MLLT3: variants seen among roughly 807,000 people sequenced by gnomAD.
MLLT3 encodes the protein MLLT3 super elongation complex subunit.
A neutral mutation model predicts 53.2 loss-of-function variants in MLLT3; 4 were observed. The ratio of observed to expected loss-of-function variants is 0.08; its 90% CI spans 0.04 to 0.17. The LOEUF is 0.17. Among genes scored for constraint, MLLT3 ranks in the 10% least tolerant of loss-of-function variants. The pLI is 1.00. For missense variants in MLLT3, 569 were observed against 684.0 expected, an observed-to-expected ratio of 0.83 and a Z score of 1.87; for synonymous variants, 283 against 230.6, an observed-to-expected ratio of 1.23 and a Z score of -2.06.
At chr9:20,452,967 A>G (rs1182467360) in intron 3 of MLLT3, among the ~76,000 whole-genome samples, 6 of 152,336 alleles carry the variant, frequency 3.9e-5, no homozygotes, top group Admixed American at 3.3e-4. Context: ...ACAATAAGGT[A>G]TTGTACACTT....
At chr9:20,603,843 G>C (rs965927294) in intron 2 of MLLT3, among the ~76,000 whole-genome samples, 1 of 152,010 alleles carries the variant, frequency 6.6e-6, no homozygotes, top group Admixed American at 6.6e-5. Flanking sequence ...AAAATTTTAT[G>C]TACAGTGGCT....
At chr9:20,615,659 G>C (rs1820814420) in intron 2 of MLLT3, among the ~76,000 whole-genome samples, 1 of 151,742 alleles carries the variant, frequency 6.6e-6, no homozygotes, top group South Asian at 2.1e-4. Flanking sequence ...TGTAGAGTTA[G>C]GATCTCAGGA....
chr9:20,586,228 G>A (rs1819956531), intron 2 of MLLT3, among the ~76,000 whole-genome samples: 1 of 151,996 alleles, frequency 6.6e-6, no homozygotes, highest in Admixed American at 6.6e-5. Context: ...GCTGATGTGG[G>A]AGAACTGTTT....
intron 3 of MLLT3, among the ~76,000 whole-genome samples, chr9:20,455,358 G>C (rs1823938982): frequency 6.6e-6 from 1 of 152,230 alleles, no homozygotes; most frequent in Non-Finnish European, 1.5e-5. Flanking sequence ...ACTGCTATAA[G>C]TTAAAAAGGC....
At chr9:20,416,055 G>T (rs1276621684) in intron 4 of MLLT3, among the ~76,000 whole-genome samples, 2 of 151,396 alleles carry the variant, frequency 1.3e-5, no homozygotes, top group Non-Finnish European at 3.0e-5. Flanking sequence ...AGATTTAAAA[G>T]GAAAATTCTA....
At chr9:20,588,325 G>A (rs1820034568) in intron 2 of MLLT3, among the ~76,000 whole-genome samples, 1 of 150,224 alleles carries the variant, frequency 6.7e-6, no homozygotes, top group Non-Finnish European at 1.5e-5. Flanking sequence ...GGCGATGCGG[G>A]CTCTTTTTTG....
chr9:20,499,684 A>G (rs1172000458), intron 2 of MLLT3, among the ~76,000 whole-genome samples: 1 of 152,254 alleles, frequency 6.6e-6, no homozygotes, highest in African/African-American at 2.4e-5. Context: ...GTCTACCCTG[A>G]GCTGTCCCCT....
At chr9:20,617,310 G>C in intron 2 of MLLT3, among the ~76,000 whole-genome samples, 1 of 152,128 alleles carries the variant, frequency 6.6e-6, no homozygotes, top group East Asian at 1.9e-4. Flanking sequence ...AAACTATGCA[G>C]TAAAGCTGGC....
chr9:20,569,882 C>T (rs955201467), intron 2 of MLLT3, among the ~76,000 whole-genome samples: 7 of 152,156 alleles, frequency 4.6e-5, no homozygotes, highest in Admixed American at 3.3e-4. Context: ...CCACCTAATG[C>T]GCTGTGGTCT....
At chr9:20,386,024 C>G (rs1447316342) in intron 5 of MLLT3, among the ~76,000 whole-genome samples, 5 of 152,126 alleles carry the variant, frequency 3.3e-5, no homozygotes, top group Non-Finnish European at 7.4e-5. Flanking sequence ...TGAGACAGCC[C>G]TGTTGTCCCT....
intron 4 of MLLT3, among the ~76,000 whole-genome samples, chr9:20,447,679 A>T (rs1007494245): frequency 4.6e-5 from 7 of 152,194 alleles, no homozygotes; most frequent in Admixed American, 6.5e-5. Context: ...TGACCCAAAC[A>T]TGTAGTATGA....
At position 20,394,045 on chromosome 9, in the gene MLLT3, C is replaced by T. The variant is rs1184431936; in HGVS notation, c.1125+19676G>A. 5.9e-5 allele frequency among the ~76,000 whole-genome samples: 9 copies of T among 152,118 alleles called. No individual in the cohort carries two copies. The East Asian group carries it at 1.3e-3, about 23-fold the overall frequency. Reference sequence around the variant, plus strand: ...AACAACTCTTTCAAATCATTCAATGCCACCATCCCTGATTCTGATTCTTTC... The same window carrying T: ...AACAACTCTTTCAAATCATTCAATGTCACCATCCCTGATTCTGATTCTTTC... On this transcript the variant is annotated intron_variant, in intron 5 of 10. Coordinates refer to ENST00000380338, the MANE Select transcript of MLLT3 (RefSeq NM_004529.4).
intron 2 of MLLT3, among the ~76,000 whole-genome samples, chr9:20,608,201 A>G (rs1820614187): frequency 6.6e-6 from 1 of 151,896 alleles, no homozygotes; most frequent in Non-Finnish European, 1.5e-5. Context: ...TTTATTTCCA[A>G]TTATCAATAC....
chr9:20,561,231 C>T (rs914737545), intron 2 of MLLT3, among the ~76,000 whole-genome samples: 2 of 152,072 alleles, frequency 1.3e-5, no homozygotes, highest in Non-Finnish European at 2.9e-5. Flanking sequence ...AAATTATATA[C>T]ACTGAGACCA....
chr9:20,516,265 A>T (rs187689479), intron 2 of MLLT3, among the ~76,000 whole-genome samples: 7 of 152,344 alleles, frequency 4.6e-5, no homozygotes, highest in Admixed American at 3.9e-4. Context: ...CAACCAGCAC[A>T]AACGATATTG....
chr9:20,584,051 A>C (rs1190871411), intron 2 of MLLT3, among the ~76,000 whole-genome samples: 1 of 151,988 alleles, frequency 6.6e-6, no homozygotes, highest in Non-Finnish European at 1.5e-5. Flanking sequence ...ACAGCACCCA[A>C]CTCATCTCTT....
At chr9:20,478,888 T>A (rs1353093450) in intron 2 of MLLT3, among the ~76,000 whole-genome samples, 1 of 152,066 alleles carries the variant, frequency 6.6e-6, no homozygotes, top group Non-Finnish European at 1.5e-5. Flanking sequence ...TGAAGTTCCA[T>A]CTCCAGAAAC....
rs114984549 is a variant in MLLT3, at chr9:20,599,655, G to T, written c.193+20999C>A. 2.1e-3 allele frequency among the ~76,000 whole-genome samples: 317 copies of T among 152,214 alleles called. 1 individual carries two copies. The highest frequency in any genetic ancestry group is 6.9e-3 in the African/African-American group (287 of 41,528). On this transcript the variant is annotated intron_variant, in intron 2 of 10. Transcript: ENST00000380338. ...AAAACAGTGATGAGCTTAGGACTTG[G>T]AGTCAAAAGGCCTGAGTTTAAATCT...
chr9:20,485,290 A>G (rs1218287576), intron 2 of MLLT3, among the ~76,000 whole-genome samples: 1 of 152,282 alleles, frequency 6.6e-6, no homozygotes, highest in South Asian at 2.1e-4. Flanking sequence ...TGCCCGGCCA[A>G]TTATATTTCT....
Sources: gnomAD v4.1 joint callset for allele counts (sites outside exome capture counted in the v4.1 genomes callset) on GRCh38, gnomAD v4.1.1 for gene constraint, MANE v1.5 for transcripts, NCBI Gene and HGNC (gene_info 2026-07-23, HGNC 2026-07-21) for gene names.